STK3: variants seen among roughly 807,000 people sequenced by gnomAD.
STK3 encodes serine/threonine-protein kinase 3.
STK3 carries 41 observed loss-of-function variants against 58.0 expected under a neutral mutation model. The ratio of observed to expected loss-of-function variants is 0.71; its 90% CI spans 0.55 to 0.92. The LOEUF (loss-of-function observed/expected upper bound fraction) is 0.92. Ranked by LOEUF, STK3 falls within the 40% of genes least tolerant of loss-of-function variation. The pLI is 0.00. For synonymous variants in STK3, 170 were observed against 191.0 expected (o/e 0.89, Z 0.91); for missense variants, 479 against 602.7 (o/e 0.79, Z 2.15).
At chr8:98,683,914 G>A (rs567705987) in intron 6 of STK3, among the ~76,000 whole-genome samples, 8 of 152,172 alleles carry the variant, frequency 5.3e-5, no homozygotes, top group African/African-American at 1.9e-4. Flanking sequence ...AGTTATTTTC[G>A]ATCAAGGAAT....
At chr8:98,686,685 CAG>C (rs1262122386) in intron 6 of STK3, among the ~76,000 whole-genome samples, 2 of 151,950 alleles carry the variant, frequency 1.3e-5, no homozygotes, top group East Asian at 3.9e-4. Flanking sequence ...ACAAAGGAAA[CAG>C]AAAAATAATC....
downstream of STK3, chr8:98,881,218 C>T (rs560993263): frequency 4.6e-5 from 7 of 152,060 alleles, no homozygotes; most frequent in African/African-American, 1.4e-4. Context: ...TATCAAGCCA[C>T]GAAAAGACAT....
At chr8:98,571,702 G>A (rs967123495) in intron 8 of STK3, among the ~76,000 whole-genome samples, 2 of 152,172 alleles carry the variant, frequency 1.3e-5, no homozygotes, top group African/African-American at 4.8e-5. Flanking sequence ...AAGTTAATAT[G>A]AAGTCAAATA....
At chr8:98,406,662 T>C (rs1817995690) in intron 3 of STK3, among the ~76,000 whole-genome samples, 2 of 152,240 alleles carry the variant, frequency 1.3e-5, no homozygotes, top group Admixed American at 6.5e-5. Context: ...CTAGCCTGAC[T>C]GAGAAGTGTC....
intron 8 of STK3, among the ~76,000 whole-genome samples, chr8:98,577,321 T>C (rs1049840554): frequency 2.0e-5 from 3 of 151,998 alleles, no homozygotes; most frequent in Non-Finnish European, 4.4e-5. Flanking sequence ...ACCTGGTCTC[T>C]ACTAAAAATA....
chr8:98,745,567 T>TA (rs1462154716), intron 4 of STK3, among the ~76,000 whole-genome samples: 2 of 151,720 alleles, frequency 1.3e-5, no homozygotes, highest in Non-Finnish European at 2.9e-5. Flanking sequence ...AACAAAATAT[T>TA]AAAAAAAGAA....
intron 8 of STK3, among the ~76,000 whole-genome samples, chr8:98,576,412 C>A (rs945200508): frequency 6.6e-6 from 1 of 152,108 alleles, no homozygotes; most frequent in Non-Finnish European, 1.5e-5. Flanking sequence ...AATTTGAGAA[C>A]TGACTTTTCC....
At chr8:98,920,300 G>A (rs1416974746) in intron 1 of STK3, among the ~76,000 whole-genome samples, 2 of 152,220 alleles carry the variant, frequency 1.3e-5, no homozygotes, top group South Asian at 2.1e-4. Context: ...GTCTTCATGT[G>A]TAGATAGATT....
chr8:98,675,097 T>C (rs1237583217), intron 6 of STK3, among the ~76,000 whole-genome samples: 1 of 152,200 alleles, frequency 6.6e-6, no homozygotes, highest in Non-Finnish European at 1.5e-5. Context: ...CCAAATGTTT[T>C]AACAAGTAAA....
At chr8:98,475,073 A>C (rs1821208370) in intron 10 of STK3, among the ~76,000 whole-genome samples, 1 of 152,226 alleles carries the variant, frequency 6.6e-6, no homozygotes, top group Non-Finnish European at 1.5e-5. Flanking sequence ...AGTCAATATT[A>C]ATAATTAAAG....
chr8:98,594,470 C>T (rs1448208285), intron 7 of STK3, among the ~76,000 whole-genome samples: 1 of 151,860 alleles, frequency 6.6e-6, no homozygotes, highest in South Asian at 2.1e-4. Context: ...CATGGTGGCA[C>T]ACACCTGTAA....
intron 6 of STK3, among the ~76,000 whole-genome samples, chr8:98,644,032 C>T (rs1820218780): frequency 6.6e-6 from 1 of 152,008 alleles, no homozygotes; most frequent in African/African-American, 2.4e-5. Context: ...ATAATAACAA[C>T]CACAATAATA....
intron 6 of STK3, among the ~76,000 whole-genome samples, chr8:98,669,155 C>T (rs144917118): frequency 9.9e-4 from 150 of 152,102 alleles, no homozygotes; most frequent in African/African-American, 3.4e-3. Flanking sequence ...CACCACCACA[C>T]CTGGCTAATT....
At chr8:98,846,005 C>G (rs920201556) in intron 3 of STK3, among the ~76,000 whole-genome samples, 1 of 152,230 alleles carries the variant, frequency 6.6e-6, no homozygotes, top group Non-Finnish European at 1.5e-5. Flanking sequence ...GAGCTAGGAA[C>G]TGACAAGACA....
downstream of STK3, chr8:98,880,489 G>T (rs3019288): frequency 1.6e-4 from 24 of 152,286 alleles, no homozygotes; most frequent in East Asian, 4.6e-3. Flanking sequence ...GAAGTTAGAG[G>T]TATCATAAAA....
At chr8:98,588,840 C>T (rs1163776370) in intron 7 of STK3, among the ~76,000 whole-genome samples, 2 of 151,850 alleles carry the variant, frequency 1.3e-5, no homozygotes, top group African/African-American at 2.4e-5. Flanking sequence ...CGCTTCATTT[C>T]ACTCATTTCA....
chr8:98,778,053 T>C (rs1831822262), intron 1 of STK3, among the ~76,000 whole-genome samples: 2 of 152,098 alleles, frequency 1.3e-5, no homozygotes, highest in African/African-American at 4.8e-5. Flanking sequence ...CTAAAGAGCT[T>C]CTGCACAGCA....
At chr8:98,599,449 T>TC (rs1281299741) in intron 6 of STK3, among the ~76,000 whole-genome samples, 4 of 152,096 alleles carry the variant, frequency 2.6e-5, no homozygotes, top group Admixed American at 2.6e-4. Flanking sequence ...TCATTTTGTT[T>TC]TTTTTTTCCA....
chr8:98,537,292 A>T (rs1176150660), intron 9 of STK3, among the ~76,000 whole-genome samples: 1 of 152,226 alleles, frequency 6.6e-6, no homozygotes, highest in Non-Finnish European at 1.5e-5. Flanking sequence ...AAAAAAGATT[A>T]AAAAACAATT....
Sources: allele counts gnomAD v4.1 joint callset (sites outside exome capture counted in the v4.1 genomes callset), GRCh38; gene constraint gnomAD v4.1.1; transcripts MANE v1.5; gene names NCBI Gene and HGNC (gene_info 2026-07-23, HGNC 2026-07-21).